GALNT17: variants seen among roughly 807,000 people sequenced by gnomAD.
The protein encoded by GALNT17 is UDP-GalNAc:polypeptide N-acetylgalactosaminyltransferase-like 3.
GALNT17 carries 29 observed loss-of-function variants against 63.7 expected under a neutral mutation model. That is an observed-to-expected ratio of 0.46 (90% CI 0.34 to 0.62). The LOEUF (loss-of-function observed/expected upper bound fraction) is 0.62. Among genes scored for constraint, GALNT17 ranks in the 20% least tolerant of loss-of-function variants. The pLI is 0.01. For synonymous variants in GALNT17, 305 were observed against 318.3 expected (o/e 0.96, Z 0.45); for missense variants, 603 against 799.6 (o/e 0.75, Z 2.97).
rs191533660 is a variant in GALNT17, at chr7:71,609,352, G to A, written c.1080+37950G>A. ...ACCAACGTTCCTTTTTGTAAGCCGT[G>A]AAGGCTTGAAGAAGAGGCCAAAGAA... On this transcript the variant is annotated intron_variant, in intron 6 of 10. Coordinates refer to ENST00000333538, the MANE Select transcript of GALNT17 (RefSeq NM_022479.3). Among the ~76,000 whole-genome samples, 767 of 152,264 alleles carry A rather than the reference G, an allele frequency of 5.0e-3. 10 individuals are homozygous for A. The highest frequency in any genetic ancestry group is 0.017 in the African/African-American group (704 of 41,552).
intron 9 of GALNT17, among the ~76,000 whole-genome samples, chr7:71,695,575 C>T (rs1791527707): frequency 6.6e-6 from 1 of 152,148 alleles, no homozygotes. Context: ...AGTGTGCAAT[C>T]TGATGAGTTT....
intron 1 of GALNT17, among the ~76,000 whole-genome samples, chr7:71,154,646 G>C (rs1005013146): frequency 6.6e-6 from 1 of 152,036 alleles, no homozygotes; most frequent in Non-Finnish European, 1.5e-5. Context: ...GCACGATCTC[G>C]GCTCACTGCA....
At chr7:71,538,117 T>G (rs1305040025) in intron 5 of GALNT17, among the ~76,000 whole-genome samples, 1 of 152,154 alleles carries the variant, frequency 6.6e-6, no homozygotes, top group Non-Finnish European at 1.5e-5. Flanking sequence ...CTAATATATA[T>G]AACAACTGGC....
At chr7:71,272,483 G>C (rs11769394) in intron 1 of GALNT17, among the ~76,000 whole-genome samples, 76,619 of 151,950 alleles carry the variant, frequency 0.5, 19,755 homozygotes, top group Non-Finnish European at 0.54. Context: ...CACATCCTTG[G>C]TGACACTTGG....
intron 4 of GALNT17, among the ~76,000 whole-genome samples, chr7:71,417,546 G>C (rs1786557526): frequency 6.6e-6 from 1 of 152,138 alleles, no homozygotes; most frequent in Non-Finnish European, 1.5e-5. Flanking sequence ...CTGAGAACTT[G>C]TCGGAAATGC....
At chr7:71,293,690 A>C (rs543527593) in intron 1 of GALNT17, among the ~76,000 whole-genome samples, 1 of 152,332 alleles carries the variant, frequency 6.6e-6, no homozygotes, top group African/African-American at 2.4e-5. Flanking sequence ...ACATTTTAAA[A>C]GGATAGCTTT....
At chr7:71,290,408 G>T (rs116990610) in intron 1 of GALNT17, among the ~76,000 whole-genome samples, 176 of 152,300 alleles carry the variant, frequency 1.2e-3, no homozygotes, top group Non-Finnish European at 2.0e-3. Flanking sequence ...CCGTCTTGCA[G>T]GTGGCTGATG....
At chr7:71,344,111 C>A (rs1050268726) in intron 2 of GALNT17, among the ~76,000 whole-genome samples, 1 of 83,610 alleles carries the variant, frequency 1.2e-5, no homozygotes, top group Non-Finnish European at 2.4e-5. Context: ...TTTTAGAGGG[C>A]CTTAGAAAGT....
At chr7:71,375,255 T>C (rs1792699915) in intron 2 of GALNT17, among the ~76,000 whole-genome samples, 1 of 152,218 alleles carries the variant, frequency 6.6e-6, no homozygotes, top group Non-Finnish European at 1.5e-5. Flanking sequence ...AAACACAAGC[T>C]TGCAGGGCCA....
chr7:71,335,782 G>T (rs1791890031), intron 2 of GALNT17, 49 bp downstream of exon 2: 1 of 1,409,100 alleles, frequency 7.1e-7, no homozygotes, highest in Non-Finnish European at 9.4e-7. Context: ...CGTCAGAGTG[G>T]GTGTAGACCC....
chr7:71,425,649 C>T (rs1456558484), intron 5 of GALNT17, among the ~76,000 whole-genome samples: 1 of 152,110 alleles, frequency 6.6e-6, no homozygotes, highest in East Asian at 1.9e-4. Flanking sequence ...TGCATTTGAC[C>T]ACCCGGCCCC....
intron 7 of GALNT17, among the ~76,000 whole-genome samples, chr7:71,669,557 G>C (rs1791036006): frequency 7.3e-6 from 1 of 136,290 alleles, no homozygotes; most frequent in Admixed American, 7.8e-5. Context: ...CGAGGCTTAA[G>C]ATCTTTTTTT....
At chr7:71,492,544 C>T (rs909655177) in intron 5 of GALNT17, among the ~76,000 whole-genome samples, 3 of 152,166 alleles carry the variant, frequency 2.0e-5, no homozygotes, top group African/African-American at 7.2e-5. Flanking sequence ...CTCATTCAAC[C>T]ATAATCTAAC....
At chr7:71,602,073 C>T (rs1301675583) in intron 6 of GALNT17, among the ~76,000 whole-genome samples, 1 of 152,202 alleles carries the variant, frequency 6.6e-6, no homozygotes, top group Admixed American at 6.5e-5. Context: ...CTAAGTGAAT[C>T]AATATGCTCC....
chr7:71,661,818 T>G (rs622749), intron 6 of GALNT17, among the ~76,000 whole-genome samples: 72,323 of 151,954 alleles, frequency 0.48, 17,825 homozygotes, highest in African/African-American at 0.59. Flanking sequence ...AATGCACACT[T>G]AGTGTGCTGG....
At chr7:71,659,457 C>A (rs1351843095) in intron 6 of GALNT17, among the ~76,000 whole-genome samples, 1 of 152,222 alleles carries the variant, frequency 6.6e-6, no homozygotes, top group Non-Finnish European at 1.5e-5. Context: ...CATGGCCTCA[C>A]TCCCATGCCT....
chr7:71,375,446 G>A (rs926416667), intron 2 of GALNT17, among the ~76,000 whole-genome samples: 4 of 152,014 alleles, frequency 2.6e-5, no homozygotes, highest in Admixed American at 6.6e-5. Context: ...AGATGGTCTC[G>A]CTCTGTTGCC....
intron 1 of GALNT17, among the ~76,000 whole-genome samples, chr7:71,235,052 ACCAG>A (rs1789861907): frequency 6.6e-6 from 1 of 151,966 alleles, no homozygotes; most frequent in Non-Finnish European, 1.5e-5. Context: ...GGAGTTTGAG[ACCAG>A]CCTGGGCAAC....
At chr7:71,287,815 G>A (rs1790901658) in intron 1 of GALNT17, among the ~76,000 whole-genome samples, 1 of 152,114 alleles carries the variant, frequency 6.6e-6, no homozygotes, top group East Asian at 1.9e-4. Flanking sequence ...ACTTTGGGAG[G>A]CTGAGGCAGG....
Sources: allele counts gnomAD v4.1 joint callset (sites outside exome capture counted in the v4.1 genomes callset), GRCh38; gene constraint gnomAD v4.1.1; transcripts MANE v1.5; gene names NCBI Gene and HGNC (gene_info 2026-07-23, HGNC 2026-07-21).